The following ADARB1 variants were observed in gnomAD, a reference collection of about 807,000 sequenced individuals.
The protein encoded by ADARB1 is double-stranded RNA-specific editase 1.
In ADARB1, 10 loss-of-function variants were observed where a neutral mutation model predicts 52.4. The ratio of observed to expected loss-of-function variants is 0.19; its 90% CI spans 0.12 to 0.32. The LOEUF (loss-of-function observed/expected upper bound fraction) is 0.32. ADARB1 is among the 10% of genes least tolerant of loss of function. ADARB1 has a pLI of 1.00. For synonymous variants in ADARB1, 349 were observed against 371.1 expected (o/e 0.94, Z 0.68); for missense variants, 643 against 922.3 (o/e 0.70, Z 3.92).
chr21:45,081,491 T>C lies in ADARB1; in HGVS notation c.-220+6698T>C, dbSNP rs947487904. On this transcript the variant is annotated intron_variant, in intron 1 of 10. Transcript: ENST00000348831. ...CAATTGTAGGCTAATGTGAGTGTTC[T>C]GAGCACCTTTTAGGTAGGCTAGGCT... is the stretch of plus-strand genomic sequence containing the variant. 2.6e-5 allele frequency among the ~76,000 whole-genome samples: 4 copies of C among 152,364 alleles called. No homozygotes were observed. In the East Asian group the frequency reaches 7.7e-4, roughly 29 times the overall value.
intron 8 of ADARB1, among the ~76,000 whole-genome samples, chr21:45,190,565 C>T (rs917662270): frequency 4.6e-5 from 7 of 152,144 alleles, no homozygotes; most frequent in African/African-American, 1.7e-4. Context: ...AAAAAAGAAC[C>T]ATCTCTCCCA....
chr21:45,124,388 C>T (rs1350435687), intron 1 of ADARB1, among the ~76,000 whole-genome samples: 2 of 151,818 alleles, frequency 1.3e-5, no homozygotes, highest in Admixed American at 6.6e-5. Flanking sequence ...TTTTCTTTTT[C>T]TTGAGACAAG....
chr21:45,180,363 G>A lies in ADARB1; in HGVS notation c.997G>A (p.Gly333Ser). ...LADAVSRLVL[G>S]KFGDLTDNFS... ...TGACGCTGTCTCACGCCTGGTCCTG[G>A]GTAAGTTTGGTGACCTGACCGACAA... Residue 333 changes from glycine to serine, a missense_variant, in exon 5 of 11, where the codon GGT becomes AGT. Gly to Ser is a moderately conservative substitution (Grantham distance 56). This residue lies in a region of ADARB1 where 380 missense variants were observed against 446.5 expected (regional missense o/e 0.85). Transcript: ENST00000348831. The A allele has an allele frequency of 2.5e-6, 4 of 1,614,108 alleles. No homozygotes were observed. The highest frequency in any genetic ancestry group is 3.4e-6 in the Non-Finnish European group (4 of 1,180,016).
chr21:45,196,690 C>T (rs1291953447), intron 8 of ADARB1, among the ~76,000 whole-genome samples: 2 of 151,966 alleles, frequency 1.3e-5, no homozygotes, highest in African/African-American at 4.8e-5. Flanking sequence ...GACACTTCAC[C>T]AAAAAAAGAT....
chr21:45,101,556 C>T (rs575731578), intron 1 of ADARB1, among the ~76,000 whole-genome samples: 58 of 152,328 alleles, frequency 3.8e-4, no homozygotes, highest in African/African-American at 1.3e-3. Context: ...GATTTGCTAG[C>T]GTTTAACATT....
At chr21:45,203,191 G>A (rs1456078693) in intron 8 of ADARB1, among the ~76,000 whole-genome samples, 1 of 152,010 alleles carries the variant, frequency 6.6e-6, no homozygotes, top group Non-Finnish European at 1.5e-5. Flanking sequence ...CTGCTTAGGG[G>A]CCCCTGCCCT....
intron 2 of ADARB1, among the ~76,000 whole-genome samples, chr21:45,154,029 T>C (rs9981906): frequency 0.012 from 1,861 of 152,336 alleles, 38 homozygotes; most frequent in African/African-American, 0.043. Context: ...CATCACTAAT[T>C]ATTTAAGTTG....
chr21:45,215,010 T>G (rs1321983316), intron 9 of ADARB1, among the ~76,000 whole-genome samples: 1 of 152,192 alleles, frequency 6.6e-6, no homozygotes, highest in Non-Finnish European at 1.5e-5. Flanking sequence ...CATTCAGTCT[T>G]TCACCATTAG....
chr21:45,178,562 T>A (rs897601995), intron 4 of ADARB1, among the ~76,000 whole-genome samples: 6 of 152,194 alleles, frequency 3.9e-5, no homozygotes, highest in Non-Finnish European at 7.4e-5. Flanking sequence ...GAAGCAGTCC[T>A]TAGGGCTTTG....
intron 9 of ADARB1, among the ~76,000 whole-genome samples, chr21:45,217,421 G>A (rs958014636): frequency 4.0e-5 from 6 of 151,842 alleles, no homozygotes; most frequent in African/African-American, 1.2e-4. Flanking sequence ...TTCTTACCAC[G>A]ATCTCCCTTC....
Position 45,218,601 on chromosome 21 carries a change from G to T in ADARB1, c.1748-2235G>T, listed in dbSNP as rs143595120. Among the ~76,000 whole-genome samples the T allele has an allele frequency of 2.0e-5, 3 of 152,276 alleles. No homozygotes were observed. The East Asian group carries it at 5.8e-4, about 29-fold the overall frequency. ...CCGGTACTCTGTCTTATGAAATCTG[G>T]CTGACTTGGTTTCCCTTGACTCTCA... On this transcript the variant is annotated intron_variant, in intron 9 of 10. Transcript: ENST00000348831.
intron 1 of ADARB1, among the ~76,000 whole-genome samples, chr21:45,088,594 G>A (rs767692308): frequency 2.4e-4 from 36 of 152,184 alleles, no homozygotes; most frequent in African/African-American, 8.4e-4. Context: ...GCCTTCAGGC[G>A]GCACTATGGA....
chr21:45,131,541 G>T (rs1248426728), intron 2 of ADARB1, among the ~76,000 whole-genome samples: 1 of 152,224 alleles, frequency 6.6e-6, no homozygotes, highest in Non-Finnish European at 1.5e-5. Flanking sequence ...CCTCCAGGAG[G>T]TTTAGGAGTG....
chr21:45,170,840 A>C (rs1215284140), intron 2 of ADARB1, among the ~76,000 whole-genome samples: 3 of 152,238 alleles, frequency 2.0e-5, no homozygotes, highest in Non-Finnish European at 4.4e-5. Flanking sequence ...TAAGAAGAGG[A>C]AACTCTTAAA....
intron 2 of ADARB1, among the ~76,000 whole-genome samples, chr21:45,138,996 C>G (rs1006055117): frequency 6.6e-6 from 1 of 151,726 alleles, no homozygotes; most frequent in Non-Finnish European, 1.5e-5. Flanking sequence ...TCTTGGCTCA[C>G]TGCAAGCTCC....
intron 3 of ADARB1, 85 bp downstream of exon 3, chr21:45,171,769 C>T: frequency 7.8e-7 from 1 of 1,277,438 alleles, no homozygotes; most frequent in East Asian, 2.5e-5. Context: ...TTCATGAGAC[C>T]AGTGTGGGGA....
At chr21:45,193,146 C>T (rs2092343960) in intron 8 of ADARB1, among the ~76,000 whole-genome samples, 1 of 152,184 alleles carries the variant, frequency 6.6e-6, no homozygotes, top group Non-Finnish European at 1.5e-5. Flanking sequence ...GAAAATAAAA[C>T]TACATGTTAA....
At position 45,222,700 on chromosome 21, in the gene ADARB1, A is replaced by G. The variant is rs2092987172; in HGVS notation, c.*503A>G. 4 of 986,604 alleles carry G rather than the reference A, an allele frequency of 4.1e-6. No individual in the cohort carries two copies. The highest frequency in any genetic ancestry group is 6.1e-5 in the Admixed American group (1 of 16,446). The allele number at this position is 986,604 out of a possible 1,614,324, so 61.1% of individuals were successfully genotyped here. ...GGAGGGTGGGAAAATAGAGGTAGGA[A>G]ATAGTAGCCTAAAGGAAATCGCCAC... On this transcript the variant is annotated 3_prime_UTR_variant, in exon 11 of 11. Transcript: ENST00000348831.
intron 4 of ADARB1, among the ~76,000 whole-genome samples, chr21:45,179,199 C>T (rs2091828674): frequency 6.6e-6 from 1 of 152,198 alleles, no homozygotes; most frequent in African/African-American, 2.4e-5. Flanking sequence ...ATTGCAGATG[C>T]CGCTGCCTGC....
Sources: allele counts gnomAD v4.1 joint callset (sites outside exome capture counted in the v4.1 genomes callset), GRCh38; gene constraint gnomAD v4.1.1; regional missense constraint gnomAD v4.1.1; transcripts MANE v1.5; gene names NCBI Gene and HGNC (gene_info 2026-07-23, HGNC 2026-07-21).